PCNX1: variants seen among roughly 807,000 people sequenced by gnomAD.
PCNX1 encodes pecanex 1, also known as pecanex-like protein 1.
In PCNX1, 78 loss-of-function variants were observed where a neutral mutation model predicts 242.2. The observed-to-expected ratio is 0.32, with a 90% CI of 0.27 to 0.39. PCNX1 has a LOEUF of 0.39. Among genes scored for constraint, PCNX1 ranks in the 10% least tolerant of loss-of-function variants. The pLI is 1.00. For missense variants in PCNX1, 2,581 were observed against 2,856.5 expected (o/e 0.90, Z 2.20); for synonymous variants, 1,024 against 1,032.9 (o/e 0.99, Z 0.17).
chr14:71,005,600 G>A (rs2059633705), intron 8 of PCNX1, among the ~76,000 whole-genome samples: 1 of 152,108 alleles, frequency 6.6e-6, no homozygotes. Flanking sequence ...CGTTTTGTAT[G>A]GTGAGGATTT....
In PCNX1 at chr14:71,005,046, G is replaced by C. The variant is rs896573347; in HGVS notation, c.2630-4588G>C. Among the ~76,000 whole-genome samples, 3 of 152,162 alleles carry C rather than the reference G, an allele frequency of 2.0e-5. No homozygotes were observed. The East Asian group carries it at 5.8e-4, about 29-fold the overall frequency. On this transcript the variant is annotated intron_variant, in intron 8 of 35. Coordinates refer to ENST00000304743, the MANE Select transcript of PCNX1 (RefSeq NM_014982.3). ...AGGACACAGAATGAAGGGAAGGTTG[G>C]GGGAGGTAGGTGGTTAAAGAAGAAA...
Position 71,111,267 on chromosome 14 carries a change from T to A in PCNX1, c.*1332T>A, listed in dbSNP as rs1447194339. The A allele has an allele frequency of 1.3e-5, 2 of 152,626 alleles. No individual in the cohort carries two copies. The highest frequency in any genetic ancestry group is 2.9e-5 in the Non-Finnish European group (2 of 68,022). 9.5% of individuals were successfully genotyped at this position (152,626 alleles called of 1,614,324 possible). Reference sequence around the variant, plus strand: ...ATAGGAACTTCAATTTAGATTTAATTTGCAACTCTTAGCATTTTTTAAATC... The same window carrying A: ...ATAGGAACTTCAATTTAGATTTAATATGCAACTCTTAGCATTTTTTAAATC... On this transcript the variant is annotated 3_prime_UTR_variant, in exon 36 of 36. Coordinates refer to ENST00000304743, the MANE Select transcript of PCNX1 (RefSeq NM_014982.3).
At chr14:71,096,068 C>G (rs540658187) in intron 30 of PCNX1, among the ~76,000 whole-genome samples, 64 of 152,242 alleles carry the variant, frequency 4.2e-4, no homozygotes, top group Admixed American at 1.6e-3. Context: ...GCCTATAATC[C>G]CAACACTTTG....
chr14:71,105,423 C>G lies in PCNX1; in HGVS notation c.6284C>G (p.Ser2095Cys), dbSNP rs745617071. 7.4e-6 allele frequency: 12 copies of G among 1,613,430 alleles called. No homozygotes were observed. The highest frequency in any genetic ancestry group is 1.0e-5 in the Non-Finnish European group (12 of 1,179,466). ...SGTGLHPPVT[S>C]YPPTLGTSHS... ...ACTGGACTCCACCCACCTGTCACAT[C>G]TTATCCTCCAACACTAGGTAATGTG... The change falls in exon 33 of 36, where the codon TCT becomes TGT. Residue 2095 changes from serine to cysteine, a missense_variant. By Grantham distance (112) the Ser-to-Cys change is moderately radical. This residue lies in a region of PCNX1 where 432 missense variants were observed against 433.6 expected (regional missense o/e 1.00). Transcript: ENST00000304743.
At chr14:71,078,878 TC>T (rs2061781734) in intron 28 of PCNX1, 1 of 152,268 alleles carries the variant, frequency 6.6e-6, no homozygotes, top group South Asian at 2.1e-4. Context: ...TACTTTAAGT[TC>T]TGGGATACAT....
intron 12 of PCNX1, among the ~76,000 whole-genome samples, chr14:71,020,178 A>G (rs534193326): frequency 4.3e-4 from 66 of 152,292 alleles, no homozygotes; most frequent in Non-Finnish European, 8.4e-4. Context: ...TATCCAGTCT[A>G]TCATTGATGG....
At chr14:70,967,601 T>C (rs1332415880) in intron 3 of PCNX1, among the ~76,000 whole-genome samples, 3 of 152,350 alleles carry the variant, frequency 2.0e-5, no homozygotes, top group Non-Finnish European at 4.4e-5. Flanking sequence ...TTTCTCCTTA[T>C]AGTTTGTGCT....
chr14:71,043,626 A>G (rs2060776432), intron 19 of PCNX1, among the ~76,000 whole-genome samples: 1 of 149,682 alleles, frequency 6.7e-6, no homozygotes, highest in Non-Finnish European at 1.5e-5. Context: ...TCTTGCTTAT[A>G]TTTTTTATTT....
intron 33 of PCNX1, among the ~76,000 whole-genome samples, chr14:71,108,011 T>C (rs896086040): frequency 6.6e-6 from 1 of 152,204 alleles, no homozygotes. Context: ...CACATTATTA[T>C]TAACTCTAGT....
intron 32 of PCNX1, among the ~76,000 whole-genome samples, chr14:71,104,856 G>A (rs889098171): frequency 2.0e-5 from 3 of 152,176 alleles, no homozygotes; most frequent in Non-Finnish European, 4.4e-5. Flanking sequence ...GAACTTGGAG[G>A]TGGAGGTTGC....
At chr14:70,928,931 GT>G (rs1832044421) in intron 1 of PCNX1, among the ~76,000 whole-genome samples, 2 of 152,146 alleles carry the variant, frequency 1.3e-5, no homozygotes, top group South Asian at 4.1e-4. Context: ...TTGGGAATAG[GT>G]ACCTTAATCT....
At chr14:71,045,017 A>T in intron 19 of PCNX1, 116 bp from the exon 20 acceptor site, 1 of 685,616 alleles carries the variant, frequency 1.5e-6, no homozygotes, top group Middle Eastern at 2.7e-4. Context: ...TTTAGTTCTT[A>T]TATTCTAAAA....
intron 27 of PCNX1, among the ~76,000 whole-genome samples, chr14:71,074,786 A>C (rs2061670828): frequency 6.6e-6 from 1 of 152,152 alleles, no homozygotes; most frequent in Admixed American, 6.5e-5. Flanking sequence ...CCTAGAACCC[A>C]AGGGTAAAGG....
chr14:71,022,666 T>A (rs1317520654), intron 12 of PCNX1, among the ~76,000 whole-genome samples: 1 of 152,132 alleles, frequency 6.6e-6, no homozygotes, highest in African/African-American at 2.4e-5. Context: ...TAATAAAATC[T>A]CTTAAAAGGA....
At chr14:71,029,960 G>T (rs2140908208) in intron 16 of PCNX1, among the ~76,000 whole-genome samples, 1 of 152,308 alleles carries the variant, frequency 6.6e-6, no homozygotes, top group Middle Eastern at 3.4e-3. Flanking sequence ...GGAATATTAT[G>T]AATAAGCCTG....
intron 1 of PCNX1, among the ~76,000 whole-genome samples, chr14:70,933,447 A>G (rs2056880487): frequency 6.6e-6 from 1 of 152,200 alleles, no homozygotes; most frequent in Non-Finnish European, 1.5e-5. Flanking sequence ...AATTCAAAAG[A>G]AGTAATATTT....
At chr14:71,023,281 C>T in intron 13 of PCNX1, 49 bp downstream of exon 13, 1 of 1,363,830 alleles carries the variant, frequency 7.3e-7, no homozygotes. Context: ...TAACATTTAT[C>T]ATAATATTTG....
rs139677843 is a variant in PCNX1, at chr14:70,937,486, G to A, written c.154-9429G>A. 8.6e-3 allele frequency among the ~76,000 whole-genome samples: 1,315 copies of A among 152,154 alleles called. 26 individuals are homozygous for A. The highest frequency in any genetic ancestry group is 0.03 in the African/African-American group (1,241 of 41,516). ...TCTGAGGGCTCTGTTCTGTTCCATC[G>A]GTCTATATCTCTGTTTTGGTACCAG... On this transcript the variant is annotated intron_variant, in intron 1 of 35. Coordinates refer to ENST00000304743, the MANE Select transcript of PCNX1 (RefSeq NM_014982.3).
intron 1 of PCNX1, among the ~76,000 whole-genome samples, chr14:70,943,447 C>T (rs774877424): frequency 1.3e-4 from 20 of 152,130 alleles, no homozygotes; most frequent in Non-Finnish European, 2.2e-4. Context: ...AAGAGACTGG[C>T]GGCATTTTGC....
Sources: gnomAD v4.1 joint callset for allele counts (sites outside exome capture counted in the v4.1 genomes callset) on GRCh38, gnomAD v4.1.1 for gene constraint, gnomAD v4.1.1 regional missense constraint, MANE v1.5 for transcripts, NCBI Gene and HGNC (gene_info 2026-07-23, HGNC 2026-07-21) for gene names.